The following SLC35F3 variants were observed in gnomAD, a reference collection of about 807,000 sequenced individuals.
SLC35F3 encodes the protein solute carrier family 35 member F3.
Under a neutral mutation model 49.9 loss-of-function variants are expected in SLC35F3, and 25 were observed. The ratio of observed to expected loss-of-function variants is 0.50; its 90% CI spans 0.37 to 0.70. The LOEUF (loss-of-function observed/expected upper bound fraction) is 0.70, where lower values mean the gene tolerates loss of function less well. SLC35F3 is among the 30% of genes least tolerant of loss of function. SLC35F3 has a pLI of 0.00. For missense variants in SLC35F3, 525 were observed against 639.8 expected, an observed-to-expected ratio of 0.82 and a Z score of 1.94; for synonymous variants, 275 against 265.4, an observed-to-expected ratio of 1.04 and a Z score of -0.35.
chr1:234,025,967 G>A (rs369726844), intron 2 of SLC35F3, among the ~76,000 whole-genome samples: 19 of 152,266 alleles, frequency 1.2e-4, no homozygotes, highest in South Asian at 6.2e-4. Flanking sequence ...TTAATTAATC[G>A]TGAGTTAATT....
intron 2 of SLC35F3, among the ~76,000 whole-genome samples, chr1:234,138,957 G>C (rs1435984907): frequency 3.3e-5 from 5 of 152,200 alleles, no homozygotes; most frequent in African/African-American, 1.2e-4. Context: ...CATCTTTCTG[G>C]TGTGATGCTA....
chr1:234,252,221 C>CACT (rs1484796789), intron 3 of SLC35F3, among the ~76,000 whole-genome samples: 1 of 152,040 alleles, frequency 6.6e-6, no homozygotes, highest in Non-Finnish European at 1.5e-5. Flanking sequence ...AGGCCCACAC[C>CACT]ACTACGCCTG....
At position 233,943,267 on chromosome 1, in the gene SLC35F3, A is replaced by G. The variant is rs148791506; in HGVS notation, c.283+37509A>G. ...AAGAGTGGTCTATAGGTGTCCATCA[A>G]TTATCAGTAATCCAAAGGGAATTTG... On this transcript the variant is annotated intron_variant, in intron 2 of 7. Transcript: ENST00000366618. Among the ~76,000 whole-genome samples, 258 of 152,344 alleles carry G rather than the reference A, an allele frequency of 1.7e-3. 1 individual carries two copies. Among genetic ancestry groups the G allele is most frequent in the African/African-American group, 5.8e-3 (241 of 41,588 alleles).
chr1:233,912,943 A>G (rs1235810752), intron 2 of SLC35F3, among the ~76,000 whole-genome samples: 2 of 152,176 alleles, frequency 1.3e-5, no homozygotes, highest in Non-Finnish European at 2.9e-5. Flanking sequence ...GCACCTTTAT[A>G]TCCATTTAGC....
intron 2 of SLC35F3, among the ~76,000 whole-genome samples, chr1:234,163,916 T>C (rs1327565587): frequency 6.6e-6 from 1 of 152,054 alleles, no homozygotes; most frequent in Non-Finnish European, 1.5e-5. Flanking sequence ...ACTTATTCAG[T>C]AACTGTCAGA....
chr1:234,235,668 A>G (rs74562677), intron 3 of SLC35F3, among the ~76,000 whole-genome samples: 63 of 152,328 alleles, frequency 4.1e-4, no homozygotes, highest in Non-Finnish European at 7.5e-4. Context: ...TGCAGCTGCC[A>G]AAAAAAGTGA....
At chr1:234,251,392 G>A (rs1667735704) in intron 3 of SLC35F3, among the ~76,000 whole-genome samples, 1 of 150,754 alleles carries the variant, frequency 6.6e-6, no homozygotes, top group South Asian at 2.1e-4. Context: ...TCGCCCGATA[G>A]GGTAATGATG....
chr1:234,083,868 G>A (rs1841085), intron 2 of SLC35F3, among the ~76,000 whole-genome samples: 13,649 of 146,328 alleles, frequency 0.093, 2,329 homozygotes, highest in East Asian at 0.8. Context: ...ATGGAGTTTC[G>A]CTCTTGTTGC....
chr1:234,084,890 G>A (rs35889969), intron 2 of SLC35F3, among the ~76,000 whole-genome samples: 5,313 of 152,222 alleles, frequency 0.035, 124 homozygotes, highest in Non-Finnish European at 0.054. Context: ...AAGGACTGAG[G>A]GGCCACATTA....
At chr1:233,936,880 CG>C (rs911368435) in intron 2 of SLC35F3, among the ~76,000 whole-genome samples, 9 of 152,046 alleles carry the variant, frequency 5.9e-5, no homozygotes, top group African/African-American at 1.9e-4. Flanking sequence ...TTTGTAGAGA[CG>C]GGGCCTCCTT....
At chr1:234,066,831 CACA>C (rs1257601362) in intron 2 of SLC35F3, among the ~76,000 whole-genome samples, 3 of 6,904 alleles carry the variant, frequency 4.3e-4, no homozygotes, top group African/African-American at 1.1e-3. Context: ...CTCTCTCTCC[CACA>C]CACACACACA....
At chr1:234,030,977 G>A (rs957293980) in intron 2 of SLC35F3, among the ~76,000 whole-genome samples, 1 of 152,100 alleles carries the variant, frequency 6.6e-6, no homozygotes, top group East Asian at 1.9e-4. Context: ...GGAGGGAAAT[G>A]GATTAAATCA....
intron 2 of SLC35F3, among the ~76,000 whole-genome samples, chr1:234,127,317 T>C (rs1665664426): frequency 6.6e-6 from 1 of 152,236 alleles, no homozygotes; most frequent in South Asian, 2.1e-4. Flanking sequence ...TGAAGTACTC[T>C]TGCATTCATT....
At chr1:234,120,134 A>G (rs965954931) in intron 2 of SLC35F3, among the ~76,000 whole-genome samples, 5 of 152,226 alleles carry the variant, frequency 3.3e-5, no homozygotes, top group Non-Finnish European at 5.9e-5. Context: ...GACCACTGCC[A>G]GAATGACATT....
intron 2 of SLC35F3, among the ~76,000 whole-genome samples, chr1:234,010,783 A>G (rs1345312407): frequency 6.6e-6 from 1 of 152,202 alleles, no homozygotes; most frequent in Non-Finnish European, 1.5e-5. Flanking sequence ...AAAGAGATGG[A>G]AAGAAAAGGA....
rs1663669554 is a variant in SLC35F3, at chr1:234,008,800, C to T, written c.283+103042C>T. On this transcript the variant is annotated intron_variant, in intron 2 of 7. Coordinates refer to ENST00000366618, the MANE Select transcript of SLC35F3 (RefSeq NM_173508.4). ...GTCACCCAGCCCCTCAGGACCCCTT[C>T]TGTCATGACTGTTCTTGGTAGTCTC... 2.6e-5 allele frequency among the ~76,000 whole-genome samples: 4 copies of T among 152,330 alleles called. No homozygotes were observed. The South Asian group carries it at 8.3e-4, about 32-fold the overall frequency.
chr1:234,319,525 A>C (rs1024660971), intron 6 of SLC35F3, among the ~76,000 whole-genome samples: 5 of 152,102 alleles, frequency 3.3e-5, no homozygotes, highest in African/African-American at 1.2e-4. Flanking sequence ...AAACATGATG[A>C]GACCTCATCT....
chr1:234,047,093 T>G (rs1664301802), intron 2 of SLC35F3, among the ~76,000 whole-genome samples: 1 of 152,216 alleles, frequency 6.6e-6, no homozygotes, highest in South Asian at 2.1e-4. Flanking sequence ...CTTTTTGAGA[T>G]TTTGATTAAA....
At chr1:234,031,641 C>A (rs549058632) in intron 2 of SLC35F3, among the ~76,000 whole-genome samples, 56 of 152,316 alleles carry the variant, frequency 3.7e-4, no homozygotes, top group African/African-American at 1.3e-3. Context: ...AACTCCTGGC[C>A]TCAACCCATC....
Sources: allele counts gnomAD v4.1 joint callset (sites outside exome capture counted in the v4.1 genomes callset), GRCh38; gene constraint gnomAD v4.1.1; transcripts MANE v1.5; gene names NCBI Gene and HGNC (gene_info 2026-07-23, HGNC 2026-07-21).